Variants in MYH1 observed in about 807,000 individuals in gnomAD.
The protein encoded by MYH1 is myosin-1.
MYH1 carries 214 observed loss-of-function variants against 225.6 expected under a neutral mutation model. The observed-to-expected ratio is 0.95, with a 90% CI of 0.85 to 1.06. The LOEUF (loss-of-function observed/expected upper bound fraction) is 1.06, where lower values mean the gene tolerates loss of function less well. Among genes scored for constraint, MYH1 ranks in the 50% least tolerant of loss-of-function variants. The probability of loss-of-function intolerance (pLI) is 0.00; values close to 1 mark genes in which losing one functional copy is unlikely to be tolerated. For missense variants in MYH1, 2,098 were observed against 2,344.2 expected (o/e 0.89, Z 2.17); for synonymous variants, 774 against 842.3 (o/e 0.92, Z 1.40).
chr17:10,501,406 C>T lies in MYH1; in HGVS notation c.3442G>A (p.Glu1148Lys), dbSNP rs530313478. 1.2e-6 allele frequency: 2 copies of T among 1,614,232 alleles called. No homozygotes were observed. The highest frequency in any genetic ancestry group is 2.2e-5 in the South Asian group (2 of 91,090). ...KQRSDLSREL[E>K]EISERLEEAG... ...TCTTCCAGCCTCTCGCTGATCTCCT[C>T]CAGCTCCCGGGAGAGATCAGAGCGC... Residue 1148 changes from glutamate (E) to lysine (K), a missense_variant, in exon 27 of 40, where the codon GAG (glutamate) becomes AAG (lysine). Coordinates refer to ENST00000226207, the MANE Select transcript of MYH1 (RefSeq NM_005963.4).
chr17:10,496,677 AAG>A, intron 33 of MYH1, 128 bp from the exon 34 acceptor site: 1 of 1,424,688 alleles, frequency 7.0e-7, no homozygotes, highest in Non-Finnish European at 9.5e-7. Flanking sequence ...AGATTTAAAC[AAG>A]AGTGTCATTT....
At chr17:10,506,356 T>C (rs2073112431) in intron 17 of MYH1, among the ~76,000 whole-genome samples, 1 of 152,194 alleles carries the variant, frequency 6.6e-6, no homozygotes, top group South Asian at 2.1e-4. Context: ...CTAGTATATG[T>C]TTTAAATTCA....
chr17:10,516,780 T>C, intron 2 of MYH1, 98 bp from the exon 3 acceptor site: 1 of 1,038,430 alleles, frequency 9.6e-7, no homozygotes, highest in African/African-American at 1.6e-5. Context: ...AATTGAGTGC[T>C]TAGCATTGCA....
At position 10,513,698 on chromosome 17, in the gene MYH1, T is replaced by TA. The variant is rs780893041; in HGVS notation, c.742-10dup. 76 of 1,613,376 alleles carry TA rather than the reference T, an allele frequency of 4.7e-5. 1 individual carries two copies. The African/African-American group carries it at 6.5e-4, about 14-fold the overall frequency. Reference sequence around the variant, plus strand: ...ATCCTGATGAATTTACCCTTGTAAGTAAAAAAAATGATGTTATACCCAAAG... The same window carrying TA: ...ATCCTGATGAATTTACCCTTGTAAGTAAAAAAAAATGATGTTATACCCAAAG... On this transcript the variant is annotated splice_polypyrimidine_tract_variant and intron_variant, in intron 8 of 39. Transcript: ENST00000226207.
chr17:10,505,959 C>T (rs761841176), intron 18 of MYH1, 30 bp from the exon 19 acceptor site: 7 of 1,614,130 alleles, frequency 4.3e-6, no homozygotes, highest in Middle Eastern at 1.6e-4. Flanking sequence ...TGCCATACTT[C>T]GTGGTCTATC....
In MYH1 at chr17:10,497,401, C is replaced by T; in HGVS notation, c.4417G>A (p.Ala1473Thr). The part of the protein sequence containing the change: ...KCEETHAELE[A>T]SQKESRSLST... Reference sequence around the variant, plus strand: ...AGTGAGCGGGATTCCTTTTGAGAAGCTTCAAGTTCAGCATGAGTTTCTTCA... The same window carrying T: ...AGTGAGCGGGATTCCTTTTGAGAAGTTTCAAGTTCAGCATGAGTTTCTTCA... The change falls in exon 32 of 40, where the codon GCT (alanine) becomes ACT (threonine). Residue 1473 changes from alanine (A) to threonine (T), a missense_variant. Transcript: ENST00000226207. 2 of 1,613,322 alleles carry T rather than the reference C, an allele frequency of 1.2e-6. No homozygotes were observed. Among genetic ancestry groups the T allele is most frequent in the Non-Finnish European group, 1.7e-6 (2 of 1,179,884 alleles).
Position 10,497,793 on chromosome 17 carries a change from C to T in MYH1, c.4306G>A (p.Val1436Ile). 6.2e-7 allele frequency: 1 copy of T among 1,614,180 alleles called. No homozygotes were observed. The highest frequency in any genetic ancestry group is 8.5e-7 in the Non-Finnish European group (1 of 1,180,032). ...GCACAGGCAGCATTTGTCCTCTCAA[C>T]ATCAATCATGAGGTCCTCAACTTCA... ...QNEVEDLMID[V>I]ERTNAACAAL... The change falls in exon 31 of 40, where the codon GTT becomes ATT. Residue 1436 changes from valine (V) to isoleucine (I), a missense_variant. Physicochemically the swap from Val to Ile is conservative, Grantham distance 29. Transcript: ENST00000226207.
Position 10,501,589 on chromosome 17 carries a change from C to T in MYH1, c.3348+5G>A, listed in dbSNP as rs375108430. The T allele has an allele frequency of 9.9e-6, 16 of 1,614,106 alleles. No individual in the cohort carries two copies. Among genetic ancestry groups the T allele is most frequent in the Middle Eastern group, 1.6e-4 (1 of 6,084 alleles). On this transcript the variant is annotated splice_donor_5th_base_variant and intron_variant, in intron 26 of 39. Transcript: ENST00000226207. ...AATTAGCCTGGCGAAAATCATTTAA[C>T]GTACTTGTAACTCCTTGATTTTCTT... is the stretch of plus-strand genomic sequence containing the variant.
At chr17:10,509,363 G>A in intron 15 of MYH1, 122 bp downstream of exon 15, 3 of 1,487,160 alleles carry the variant, frequency 2.0e-6, no homozygotes, top group Non-Finnish European at 2.7e-6. Flanking sequence ...GGCAAAATAA[G>A]GAATTCTCCT....
In MYH1 at chr17:10,512,556, G is replaced by T; in HGVS notation, c.1009-10C>A. The T allele has an allele frequency of 6.2e-7, 1 of 1,614,060 alleles. No homozygotes were observed. Among genetic ancestry groups the T allele is most frequent in the Non-Finnish European group, 8.5e-7 (1 of 1,179,970 alleles). ...GAATTTCAATGGCACTCTACCATGA[G>T]AGATGAGAAGACAAAGATTAGGGCA... On this transcript the variant is annotated splice_polypyrimidine_tract_variant and intron_variant, in intron 11 of 39. Coordinates refer to ENST00000226207, the MANE Select transcript of MYH1 (RefSeq NM_005963.4).
intron 14 of MYH1, 60 bp from the exon 15 acceptor site, chr17:10,509,715 G>A: frequency 3.1e-6 from 5 of 1,613,766 alleles, no homozygotes; most frequent in Non-Finnish European, 4.2e-6. Context: ...CTCTTTGAAA[G>A]GGGTGTTTTT....
chr17:10,497,234 GA>G, intron 32 of MYH1, 41 bp from the exon 33 acceptor site: 2 of 1,594,624 alleles, frequency 1.3e-6, no homozygotes, highest in Non-Finnish European at 1.7e-6. Context: ...TTTATAGTTG[GA>G]AAAGATTCTT....
At chr17:10,497,035 C>G (rs1426125098) in intron 33 of MYH1, 34 bp downstream of exon 33, 2 of 1,593,716 alleles carry the variant, frequency 1.3e-6, no homozygotes, top group Non-Finnish European at 1.7e-6. Flanking sequence ...AATTCCTCTT[C>G]TAATTGTTTT....
intron 39 of MYH1, among the ~76,000 whole-genome samples, chr17:10,492,795 A>G (rs927190965): frequency 7.2e-5 from 11 of 152,020 alleles, no homozygotes; most frequent in African/African-American, 2.7e-4. Flanking sequence ...GAACTTTTAG[A>G]ACAGCAGAAC....
In MYH1 at chr17:10,497,139, T is replaced by G. The variant is rs143034615; in HGVS notation, c.4586A>C (p.Glu1529Ala). The change falls in exon 33 of 40, where the codon GAA becomes GCA. Residue 1529 changes from glutamate (E) to alanine (A), a missense_variant. Physicochemically the swap from Glu to Ala is moderately radical, Grantham distance 107 (BLOSUM62 -1). Transcript: ENST00000226207. ...QIAEGGKRIH[E>A]LEKIKKQVEQ... ...AACTTGCTTCTTTATTTTTTCCAGTTCATGGATGCGCTTTCCTCCTTCTGC... is the reference window on the plus strand; with the variant it reads ...AACTTGCTTCTTTATTTTTTCCAGTGCATGGATGCGCTTTCCTCCTTCTGC... The G allele has an allele frequency of 5.4e-5, 87 of 1,614,030 alleles. No individual in the cohort carries two copies. The highest frequency in any genetic ancestry group is 7.2e-5 in the Non-Finnish European group (85 of 1,180,022).
Position 10,505,188 on chromosome 17 carries a change from C to A in MYH1, c.2410G>T (p.Glu804Ter). Residue 804 changes from glutamate (E) to a stop codon, truncating the protein, a stop_gained, in exon 21 of 40, where the codon GAG (glutamate) becomes TAG (stop). Transcript: ENST00000226207. LOFTEE classifies it high-confidence loss of function. The stretch of plus-strand genomic sequence containing the variant: ...CTTCTTTCCACCATTTTCTGGTACT[C>A]CACTCTTGCCAAGAACCCTCTGCAC... ...AMCRGFLARVEYQKMVERRES... is the reference protein window; with the variant it reads ...AMCRGFLARV The A allele has an allele frequency of 6.2e-7, 1 of 1,614,178 alleles. No homozygotes were observed. Among genetic ancestry groups the A allele is most frequent in the Non-Finnish European group, 8.5e-7 (1 of 1,180,026 alleles).
Position 10,496,287 on chromosome 17 carries a change from G to A in MYH1, c.4919C>T (p.Ala1640Val), listed in dbSNP as rs778581504. 6.2e-7 allele frequency: 1 copy of A among 1,614,152 alleles called. No individual in the cohort carries two copies. Among genetic ancestry groups the A allele is most frequent in the Non-Finnish European group, 8.5e-7 (1 of 1,180,038 alleles). ...CCTATAGTTCCTCAGGGCCTCAGCA[G>A]CCATGCGGTTGGCATGGTTCAGCTG... is the stretch of plus-strand genomic sequence containing the variant. ...EIQLNHANRM[A>V]AEALRNYRNT... The change falls in exon 34 of 40, where the codon GCT becomes GTT. Residue 1640 changes from alanine (A) to valine (V), a missense_variant. Transcript: ENST00000226207.
chr17:10,505,598 G>A (rs925246508), intron 19 of MYH1, 87 bp from the exon 20 acceptor site: 39 of 1,495,096 alleles, frequency 2.6e-5, no homozygotes, highest in Non-Finnish European at 2.7e-6. Flanking sequence ...ATAGCCACTG[G>A]GTAATCTGAA....
intron 16 of MYH1, 46 bp from the exon 17 acceptor site, chr17:10,508,002 A>G (rs751194569): frequency 7.8e-7 from 1 of 1,279,334 alleles, no homozygotes; most frequent in Non-Finnish European, 1.1e-6. Flanking sequence ...TTCTCTGGTT[A>G]TGGTTTTTTT....
Sources: allele counts gnomAD v4.1 joint callset (sites outside exome capture counted in the v4.1 genomes callset), GRCh38; gene constraint gnomAD v4.1.1; transcripts MANE v1.5; gene names NCBI Gene and HGNC (gene_info 2026-07-23, HGNC 2026-07-21).